The following DENND1A variants were observed in gnomAD, a reference collection of about 807,000 sequenced individuals.
The protein encoded by DENND1A is DENN domain containing 1A.
In DENND1A, 51 loss-of-function variants were observed where a neutral mutation model predicts 113.7. The ratio of observed to expected loss-of-function variants is 0.45; its 90% CI spans 0.36 to 0.57. The LOEUF (loss-of-function observed/expected upper bound fraction) is 0.57. Ranked by LOEUF, DENND1A falls within the 20% of genes least tolerant of loss-of-function variation. DENND1A has a pLI of 0.00. For synonymous variants in DENND1A, 565 were observed against 570.8 expected (o/e 0.99, Z 0.14); for missense variants, 1,258 against 1,395.9 (o/e 0.90, Z 1.57).
At chr9:123,490,350 C>T (rs1041752877) in intron 13 of DENND1A, among the ~76,000 whole-genome samples, 6 of 152,078 alleles carry the variant, frequency 3.9e-5, no homozygotes, top group African/African-American at 1.2e-4. Flanking sequence ...CAGTCGGAGG[C>T]GGAGGTGGGC....
chr9:123,845,559 A>G (rs1171141518), intron 2 of DENND1A, among the ~76,000 whole-genome samples: 1 of 151,290 alleles, frequency 6.6e-6, no homozygotes, highest in Non-Finnish European at 1.5e-5. Context: ...AGTCCCAGCT[A>G]CTTGCAAAGC....
intron 2 of DENND1A, among the ~76,000 whole-genome samples, chr9:123,858,386 A>G (rs989471033): frequency 1.3e-5 from 2 of 152,194 alleles, no homozygotes; most frequent in African/African-American, 4.8e-5. Context: ...TATTGTTTAA[A>G]ATCTTTCTAA....
At chr9:123,543,736 C>A (rs1252084073) in intron 13 of DENND1A, among the ~76,000 whole-genome samples, 1 of 152,210 alleles carries the variant, frequency 6.6e-6, no homozygotes, top group Admixed American at 6.5e-5. Context: ...ACACATCCGT[C>A]CCTGGGAAGC....
intron 11 of DENND1A, among the ~76,000 whole-genome samples, chr9:123,584,527 G>A (rs2059071999): frequency 6.6e-6 from 1 of 152,226 alleles, no homozygotes; most frequent in Non-Finnish European, 1.5e-5. Context: ...TCCAATGGCT[G>A]CTCAAGCTCC....
chr9:123,383,277 A>C (rs1484655801), intron 23 of DENND1A, among the ~76,000 whole-genome samples: 1 of 152,236 alleles, frequency 6.6e-6, no homozygotes, highest in Non-Finnish European at 1.5e-5. Flanking sequence ...CATAATGCAG[A>C]GCCAAGAACT....
Position 123,386,119 on chromosome 9 carries a change from G to C in DENND1A, c.1760+1611C>G, listed in dbSNP as rs183064902. ...CATGACCTGGTGGACTCCTGGCTGGGAGCAGGGTGCCTTTTCCCAAAAGGT... is the reference window on the plus strand; with the variant it reads ...CATGACCTGGTGGACTCCTGGCTGGCAGCAGGGTGCCTTTTCCCAAAAGGT... On this transcript the variant is annotated intron_variant, in intron 22 of 23. Coordinates refer to ENST00000394215, the MANE Select transcript of DENND1A (RefSeq NM_001352964.2). 2.2e-3 allele frequency among the ~76,000 whole-genome samples: 341 copies of C among 152,258 alleles called. 3 individuals carry two copies. The highest frequency in any genetic ancestry group is 7.9e-3 in the African/African-American group (330 of 41,546).
intron 13 of DENND1A, among the ~76,000 whole-genome samples, chr9:123,475,478 T>C (rs895547184): frequency 1.3e-5 from 2 of 152,228 alleles, no homozygotes; most frequent in Admixed American, 6.5e-5. Flanking sequence ...GATGCCACAC[T>C]GTGTCGAGGG....
At chr9:123,654,664 G>A (rs939835954) in intron 8 of DENND1A, among the ~76,000 whole-genome samples, 1 of 152,204 alleles carries the variant, frequency 6.6e-6, no homozygotes, top group African/African-American at 2.4e-5. Context: ...GTAACATTTA[G>A]CCAAATTCTC....
At chr9:123,515,447 C>G (rs12003332) in intron 13 of DENND1A, among the ~76,000 whole-genome samples, 7,008 of 152,110 alleles carry the variant, frequency 0.046, 537 homozygotes, top group African/African-American at 0.16. Context: ...TAAAATGGTT[C>G]CGCAAAAATA....
intron 5 of DENND1A, among the ~76,000 whole-genome samples, chr9:123,745,538 G>C (rs529775551): frequency 6.6e-6 from 1 of 152,226 alleles, no homozygotes; most frequent in East Asian, 1.9e-4. Flanking sequence ...CAATAAAGTT[G>C]ATTGAGCTTA....
intron 12 of DENND1A, among the ~76,000 whole-genome samples, chr9:123,566,880 G>A (rs1390615947): frequency 6.7e-6 from 1 of 149,854 alleles, no homozygotes; most frequent in Non-Finnish European, 1.5e-5. Context: ...AATTATCTTT[G>A]TTTTCCTTAT....
intron 1 of DENND1A, among the ~76,000 whole-genome samples, chr9:123,924,052 T>C (rs1165095872): frequency 1.3e-5 from 2 of 152,094 alleles, no homozygotes; most frequent in South Asian, 2.1e-4. Flanking sequence ...ATGAGTAAAA[T>C]GTGGTATGTC....
At chr9:123,471,968 C>T (rs1417546586) in intron 13 of DENND1A, among the ~76,000 whole-genome samples, 1 of 152,216 alleles carries the variant, frequency 6.6e-6, no homozygotes, top group East Asian at 1.9e-4. Flanking sequence ...CCCAGGGGCT[C>T]TGAAGAAATG....
In DENND1A at chr9:123,676,733, G is replaced by A. The variant is rs777071433; in HGVS notation, c.359C>T (p.Thr120Met). The change falls in exon 6 of 24, where the codon ACG (threonine) becomes ATG (methionine). Residue 120 changes from threonine to methionine, a missense_variant. Physicochemically the swap from Thr to Met is moderately conservative, Grantham distance 81. Around this residue, in one of 2 missense-constraint regions of DENND1A, gnomAD observed 99 missense variants for 164.2 expected, o/e 0.60. Coordinates refer to ENST00000394215, the MANE Select transcript of DENND1A (RefSeq NM_001352964.2). ...AAAGGTAAATACCTGTCTTTTTGTC[G>A]TGTAATCTGCCAGGATGTTAAGCAG... ...YKLLNILADYTTKRQENQWNE... is the reference protein window; with the variant it reads ...YKLLNILADYMTKRQENQWNE... 6.1e-5 allele frequency: 99 copies of A among 1,613,476 alleles called. No individual in the cohort carries two copies. The highest frequency in any genetic ancestry group is 1.8e-4 in the Admixed American group (11 of 59,972).
intron 3 of DENND1A, among the ~76,000 whole-genome samples, chr9:123,784,918 T>C (rs748624974): frequency 1.2e-4 from 18 of 152,106 alleles, no homozygotes; most frequent in Non-Finnish European, 2.4e-4. Flanking sequence ...TTCAATTGAG[T>C]TTGGCTAAAT....
At chr9:123,467,148 G>T (rs2049026084) in intron 13 of DENND1A, among the ~76,000 whole-genome samples, 1 of 152,218 alleles carries the variant, frequency 6.6e-6, no homozygotes, top group Non-Finnish European at 1.5e-5. Context: ...GGTTCTAATG[G>T]AAAGTGTGGC....
At chr9:123,730,243 C>A (rs550051187) in intron 5 of DENND1A, among the ~76,000 whole-genome samples, 30 of 152,196 alleles carry the variant, frequency 2.0e-4, no homozygotes, top group African/African-American at 7.2e-4. Context: ...GCAACAAAAG[C>A]CAAAATTGGC....
At position 123,381,183 on chromosome 9, in the gene DENND1A, G is replaced by T. The variant is rs2042249157; in HGVS notation, c.*249C>A. 7.1e-6 allele frequency: 4 copies of T among 563,704 alleles called. No individual in the cohort carries two copies. Among genetic ancestry groups the T allele is most frequent in the Middle Eastern group, 4.8e-4 (1 of 2,104 alleles). 34.9% of individuals were successfully genotyped at this position (563,704 alleles called of 1,614,324 possible). A position where few individuals can be genotyped will look rare whatever the true frequency, so the allele number is the denominator to read the frequency against. On this transcript the variant is annotated 3_prime_UTR_variant, in exon 24 of 24. Coordinates refer to ENST00000394215, the MANE Select transcript of DENND1A (RefSeq NM_001352964.2). This position sits in a 1 kb window ranked among gnomAD's most constrained non-coding sequence, Gnocchi z 4.7. Reference sequence around the variant, plus strand: ...TGCAAAACCCAATCAAGGGTGCCGAGGAGAGGCAACCGCGGGGTGGGATGG... The same window carrying T: ...TGCAAAACCCAATCAAGGGTGCCGATGAGAGGCAACCGCGGGGTGGGATGG...
At chr9:123,540,619 G>A (rs1402568771) in intron 13 of DENND1A, among the ~76,000 whole-genome samples, 1 of 152,188 alleles carries the variant, frequency 6.6e-6, no homozygotes, top group Non-Finnish European at 1.5e-5. Context: ...GGACAGACTG[G>A]TCTCCTCAGC....
Sources: gnomAD v4.1 joint callset for allele counts (sites outside exome capture counted in the v4.1 genomes callset) on GRCh38, gnomAD v4.1.1 for gene constraint, gnomAD v4.1.1 regional missense constraint, Gnocchi (gnomAD v3.1) non-coding constraint, MANE v1.5 for transcripts, NCBI Gene and HGNC (gene_info 2026-07-23, HGNC 2026-07-21) for gene names.